SLC10A2: variants seen among roughly 807,000 people sequenced by gnomAD.
The protein encoded by SLC10A2 is ileal sodium/bile acid cotransporter.
A neutral mutation model predicts 27.1 loss-of-function variants in SLC10A2; 34 were observed. The ratio of observed to expected loss-of-function variants is 1.26; its 90% CI spans 0.96 to 1.67. The LOEUF is 1.67. Ranked by LOEUF, SLC10A2 falls within the 40% of genes most tolerant of loss-of-function variation. The pLI, the probability that SLC10A2 is intolerant of heterozygous loss-of-function variation, is 0.00. For synonymous variants in SLC10A2, 205 were observed against 174.0 expected (o/e 1.18, Z -1.40); for missense variants, 530 against 444.4 (o/e 1.19, Z -1.73).
chr13:103,060,948 G>T (rs1280923373), intron 1 of SLC10A2, among the ~76,000 whole-genome samples: 1 of 152,116 alleles, frequency 6.6e-6, no homozygotes, highest in Non-Finnish European at 1.5e-5. Flanking sequence ...TTTGTTTCAA[G>T]GCACAGTTAA....
intron 3 of SLC10A2, among the ~76,000 whole-genome samples, chr13:103,051,870 G>A (rs1233335820): frequency 2.6e-5 from 4 of 152,048 alleles, no homozygotes; most frequent in Admixed American, 1.3e-4. Flanking sequence ...TGATTGTTAC[G>A]ATAATGAGAA....
intron 5 of SLC10A2, 94 bp downstream of exon 5, chr13:103,049,195 C>T (rs1248442648): frequency 2.3e-6 from 3 of 1,324,814 alleles, no homozygotes; most frequent in Non-Finnish European, 3.2e-6. Context: ...GTACAATTCA[C>T]CACCAGGAAC....
intron 2 of SLC10A2, among the ~76,000 whole-genome samples, chr13:103,057,357 G>A (rs1240400691): frequency 6.6e-6 from 1 of 152,002 alleles, no homozygotes; most frequent in Non-Finnish European, 1.5e-5. Context: ...ACTATAATTT[G>A]TTTCCCCAGA....
At position 103,044,650 on chromosome 13, in the gene SLC10A2, C is replaced by T. The variant is rs1161334055; in HGVS notation, c.*1483G>A. On this transcript the variant is annotated 3_prime_UTR_variant, in exon 6 of 6. Transcript: ENST00000245312. ...AAGTTGAGTTCCTGTTCCCATAATG[C>T]TTGGGTGCACCAGCAGAATCTGAAC... is the stretch of plus-strand genomic sequence containing the variant. 2.6e-5 allele frequency: 4 copies of T among 152,148 alleles called. No homozygotes were observed. In the East Asian group the frequency reaches 7.7e-4, roughly 29 times the overall value. The allele number at this position is 152,148 out of a possible 1,614,324, so 9.4% of individuals were successfully genotyped here.
In SLC10A2 at chr13:103,051,275, G is replaced by A. The variant is rs199533876; in HGVS notation, c.743C>T (p.Ala248Val). The change falls in exon 4 of 6, where the codon GCT becomes GTT. Residue 248 changes from alanine to valine, a missense_variant. Ala to Val is a moderately conservative substitution (Grantham distance 64, BLOSUM62 0). Transcript: ENST00000245312. ...GCCATACCTGTACCAGGGTAGACCA[G>A]CAATTCTAGCCAGAAGAAACCCCAG... ...YSLGFLLARI[A>V]GLPWYRCRTV... 2 of 1,613,968 alleles carry A rather than the reference G, an allele frequency of 1.2e-6. No homozygotes were observed. The highest frequency in any genetic ancestry group is 1.7e-6 in the Non-Finnish European group (2 of 1,179,962).
At chr13:103,047,860 A>G (rs1221129337) in intron 5 of SLC10A2, among the ~76,000 whole-genome samples, 1 of 152,068 alleles carries the variant, frequency 6.6e-6, no homozygotes, top group South Asian at 2.1e-4. Context: ...AGACATCATT[A>G]AGTAATTATT....
intron 5 of SLC10A2, among the ~76,000 whole-genome samples, chr13:103,048,402 A>G (rs202247698): frequency 1.7e-3 from 209 of 123,750 alleles, no homozygotes; most frequent in African/African-American, 7.5e-3. Flanking sequence ...AAAAAAAAAG[A>G]AAAAAAAAGA....
At chr13:103,057,586 A>T (rs532109233) in intron 2 of SLC10A2, among the ~76,000 whole-genome samples, 2 of 152,288 alleles carry the variant, frequency 1.3e-5, no homozygotes, top group Admixed American at 6.5e-5. Flanking sequence ...ATGTGATTTT[A>T]AAAAATTTCT....
At chr13:103,049,867 C>T (rs1158570221) in intron 4 of SLC10A2, among the ~76,000 whole-genome samples, 1 of 152,114 alleles carries the variant, frequency 6.6e-6, no homozygotes, top group East Asian at 1.9e-4. Context: ...CTGGGCTAAA[C>T]AGGTGGCTCA....
At chr13:103,058,647 C>T (rs530114293) in intron 1 of SLC10A2, among the ~76,000 whole-genome samples, 84 of 152,172 alleles carry the variant, frequency 5.5e-4, no homozygotes, top group African/African-American at 2.0e-3. Context: ...GTCTGTGTTC[C>T]CCTCTATGTG....
In SLC10A2 at chr13:103,066,356, T is replaced by C. The variant is rs1876282825; in HGVS notation, c.-107A>G. ...AACGTTTACTTCTACCCCATCAAAC[T>C]TTTAAACCCCTCCTAAAAATATGTC... On this transcript the variant is annotated 5_prime_UTR_variant, in exon 1 of 6. Coordinates refer to ENST00000245312, the MANE Select transcript of SLC10A2 (RefSeq NM_000452.3). The C allele has an allele frequency of 7.9e-7, 1 of 1,263,638 alleles. No homozygotes were observed. Among genetic ancestry groups the C allele is most frequent in the African/African-American group, 1.5e-5 (1 of 67,146 alleles). 78.3% of individuals were successfully genotyped at this position (1,263,638 alleles called of 1,614,324 possible).
Position 103,049,388 on chromosome 13 carries a change from C to T in SLC10A2, c.820G>A (p.Val274Ile), listed in dbSNP as rs201393219. The change falls in exon 5 of 6, where the codon GTT (valine) becomes ATT (isoleucine). Residue 274 changes from valine (V) to isoleucine (I), a missense_variant. By Grantham distance (29) the Val-to-Ile change is conservative. Transcript: ENST00000245312. ...MQNTQLCSTIVQLSFTPEELN... is the reference protein window; with the variant it reads ...MQNTQLCSTIIQLSFTPEELN... The stretch of plus-strand genomic sequence containing the variant: ...TCCTCAGGAGTGAAGGAGAGCTGAA[C>T]GATGGTGGAACATAGCTGCGTGTTC... 8 of 1,613,936 alleles carry T rather than the reference C, an allele frequency of 5.0e-6. No homozygotes were observed. Among genetic ancestry groups the T allele is most frequent in the African/African-American group, 1.3e-5 (1 of 74,968 alleles).
chr13:103,047,027 A>G (rs990948468), intron 5 of SLC10A2, among the ~76,000 whole-genome samples: 2 of 152,184 alleles, frequency 1.3e-5, no homozygotes, highest in Non-Finnish European at 1.5e-5. Context: ...TTTTTCTTCT[A>G]CTTCTCAATT....
Position 103,052,689 on chromosome 13 carries a change from GAGAGAAACC to G in SLC10A2, c.507_515del (p.Ser171_Val173del), listed in dbSNP as rs748281864. ...ACATTCCAATGGAAACAGGAACAAC[GAGAGAAACC>G]AGAGATGTACCTAAAGATGACAGAA... On this transcript the variant is annotated inframe_deletion, in exon 3 of 6. Transcript: ENST00000245312. 13 of 1,607,014 alleles carry G rather than the reference GAGAGAAACC, an allele frequency of 8.1e-6. No homozygotes were observed. The South Asian group carries it at 1.3e-4, about 16-fold the overall frequency.
chr13:103,051,848 A>G (rs1875792489), intron 3 of SLC10A2, among the ~76,000 whole-genome samples: 1 of 152,222 alleles, frequency 6.6e-6, no homozygotes. Context: ...ATGTCGCCCC[A>G]GCTTCCCTTT....
At chr13:103,057,188 A>G (rs1388712469) in intron 2 of SLC10A2, among the ~76,000 whole-genome samples, 1 of 152,098 alleles carries the variant, frequency 6.6e-6, no homozygotes, top group Non-Finnish European at 1.5e-5. Context: ...TTTGGGGCAT[A>G]TAGTGTACCT....
intron 2 of SLC10A2, among the ~76,000 whole-genome samples, chr13:103,054,110 TG>T (rs1240957957): frequency 4.7e-5 from 5 of 105,552 alleles, no homozygotes; most frequent in Non-Finnish European, 9.7e-5. Context: ...GGGAGGTGAT[TG>T]AATTGTGGGG....
chr13:103,059,659 C>T (rs371482513), intron 1 of SLC10A2, among the ~76,000 whole-genome samples: 3 of 152,062 alleles, frequency 2.0e-5, no homozygotes, highest in East Asian at 1.9e-4. Flanking sequence ...GTATAAGGTT[C>T]GCTGGGTGTG....
chr13:103,052,788 AG>A lies in SLC10A2; in HGVS notation c.497-81del, dbSNP rs1875825755. On this transcript the variant is annotated intron_variant, in intron 2 of 5. Coordinates refer to ENST00000245312, the MANE Select transcript of SLC10A2 (RefSeq NM_000452.3). ...AAAAACAGAAGAACAAGCAGCCTGA[AG>A]AAAGATTAGGTGGTATTTCAGTCTT... 2.3e-5 allele frequency: 20 copies of A among 868,684 alleles called. No individual in the cohort carries two copies. In the South Asian group the frequency reaches 2.5e-4, roughly 11 times the overall value. 53.8% of individuals were successfully genotyped at this position (868,684 alleles called of 1,614,324 possible). A position where few individuals can be genotyped will look rare whatever the true frequency, so the allele number is the denominator to read the frequency against.
Sources: allele counts gnomAD v4.1 joint callset (sites outside exome capture counted in the v4.1 genomes callset), GRCh38; gene constraint gnomAD v4.1.1; transcripts MANE v1.5; gene names NCBI Gene and HGNC (gene_info 2026-07-23, HGNC 2026-07-21).